The following TSNARE1 variants were observed in gnomAD, a reference collection of about 807,000 sequenced individuals.
TSNARE1 encodes t-SNARE domain containing 1.
A neutral mutation model predicts 62.0 loss-of-function variants in TSNARE1; 49 were observed. That is an observed-to-expected ratio of 0.79 (90% CI 0.63 to 1.00). TSNARE1 has a LOEUF of 1.00. Among genes scored for constraint, TSNARE1 ranks in the 50% least tolerant of loss-of-function variants. The probability of loss-of-function intolerance (pLI) is 0.00; values close to 1 mark genes in which losing one functional copy is unlikely to be tolerated. For missense variants in TSNARE1, 755 were observed against 700.1 expected (o/e 1.08, Z -0.88); for synonymous variants, 328 against 294.4 (o/e 1.11, Z -1.17).
At chr8:142,377,517 A>G (rs1187912122) in intron 1 of TSNARE1, among the ~76,000 whole-genome samples, 1 of 152,234 alleles carries the variant, frequency 6.6e-6, no homozygotes, top group Non-Finnish European at 1.5e-5. Context: ...AACATGAACT[A>G]AGTCAGGGCA....
chr8:142,401,932 C>T (rs1838321196), intron 1 of TSNARE1, among the ~76,000 whole-genome samples: 1 of 152,124 alleles, frequency 6.6e-6, no homozygotes, highest in Non-Finnish European at 1.5e-5. Context: ...TCTTTCAACT[C>T]AATACTGTGT....
intron 12 of TSNARE1, among the ~76,000 whole-genome samples, chr8:142,267,509 G>A: frequency 6.6e-6 from 1 of 152,168 alleles, no homozygotes; most frequent in East Asian, 1.9e-4. Context: ...CTGGTTCAAG[G>A]CCTGCCTCTA....
At chr8:142,406,383 C>G (rs1288670897), upstream of TSNARE1, 1 of 152,302 alleles carries the variant, frequency 6.6e-6, no homozygotes, top group African/African-American at 2.4e-5. Context: ...GCGTCCTGCC[C>G]CTCAACAACG....
chr8:142,368,378 T>C (rs1389451384), intron 1 of TSNARE1, among the ~76,000 whole-genome samples: 1 of 152,116 alleles, frequency 6.6e-6, no homozygotes, highest in Non-Finnish European at 1.5e-5. Flanking sequence ...GAAGTGAAAT[T>C]TATACTGGTT....
At chr8:142,303,308 G>T (rs1006283610) in intron 9 of TSNARE1, among the ~76,000 whole-genome samples, 11 of 152,098 alleles carry the variant, frequency 7.2e-5, no homozygotes, top group African/African-American at 2.4e-4. Context: ...ACCTCCCCTG[G>T]AGCAGTCACT....
intron 12 of TSNARE1, among the ~76,000 whole-genome samples, chr8:142,234,977 G>A (rs1385587429): frequency 6.6e-6 from 1 of 152,154 alleles, no homozygotes; most frequent in Non-Finnish European, 1.5e-5. Context: ...AGGGACCCCA[G>A]ATGGCTGAGG....
Position 142,356,768 on chromosome 8 carries a change from T to G in TSNARE1, c.-39-2005A>C, listed in dbSNP as rs369546493. Among the ~76,000 whole-genome samples, 57 of 152,158 alleles carry G rather than the reference T, an allele frequency of 3.7e-4. No homozygotes were observed. The East Asian group carries it at 7.4e-3, about 20-fold the overall frequency. ...ATCTTTACCTTGCAGCTGAGGAAAC[T>G]GAGGCATGGAGAGGTGAGGTAACTT... On this transcript the variant is annotated intron_variant, in intron 1 of 13. Transcript: ENST00000524325.
chr8:142,388,843 T>C (rs1041144281), intron 1 of TSNARE1, among the ~76,000 whole-genome samples: 4 of 152,178 alleles, frequency 2.6e-5, no homozygotes, highest in African/African-American at 9.7e-5. Flanking sequence ...CCCAAAGTGC[T>C]GGGATTACAG....
rs1404820672 is a variant in TSNARE1 at position 142,345,790 on chromosome 8, T to C, written c.191A>G (p.Asp64Gly). 1 of 1,613,724 alleles carries C rather than the reference T, an allele frequency of 6.2e-7. No homozygotes were observed. Among genetic ancestry groups the C allele is most frequent in the Non-Finnish European group, 8.5e-7 (1 of 1,179,794 alleles). The change falls in exon 3 of 14, where the codon GAT becomes GGT. Residue 64 changes from aspartate (D) to glycine (G), a missense_variant. Transcript: ENST00000524325. Reference sequence around the variant, plus strand: ...AATAGGCGTGCCTGCTGGCCCCAGATCACCTTCCCCGTCCTTCCCCACACA... The same window carrying C: ...AATAGGCGTGCCTGCTGGCCCCAGACCACCTTCCCCGTCCTTCCCCACACA... Reference protein sequence around the residue: ...NRCVGKDGEGDLGPAGTPIVP... With the variant: ...NRCVGKDGEGGLGPAGTPIVP...
At chr8:142,293,217 C>A (rs768907932) in intron 10 of TSNARE1, among the ~76,000 whole-genome samples, 1 of 152,242 alleles carries the variant, frequency 6.6e-6, no homozygotes, top group African/African-American at 2.4e-5. Flanking sequence ...AACCCCTTAG[C>A]GTACAGTGAG....
At chr8:142,312,029 T>C (rs897260756) in intron 9 of TSNARE1, among the ~76,000 whole-genome samples, 3 of 152,234 alleles carry the variant, frequency 2.0e-5, no homozygotes, top group South Asian at 2.1e-4. Context: ...GGACCAGAAG[T>C]GTTTCAGATT....
rs1384929981 is a variant in TSNARE1 at position 142,290,461 on chromosome 8, G to A, written c.1291-5976C>T. 7.2e-5 allele frequency among the ~76,000 whole-genome samples: 11 copies of A among 152,348 alleles called. No homozygotes were observed. In the South Asian group the frequency reaches 1.0e-3, roughly 14 times the overall value. ...CTTTCTCTTCTTTCACTGGCACAGCGGAAAAAGCCCCTTGCACGAGACATA... is the reference window on the plus strand; with the variant it reads ...CTTTCTCTTCTTTCACTGGCACAGCAGAAAAAGCCCCTTGCACGAGACATA... On this transcript the variant is annotated intron_variant, in intron 10 of 13. Transcript: ENST00000524325.
At chr8:142,227,303 C>A (rs73362780) in intron 13 of TSNARE1, among the ~76,000 whole-genome samples, 12,059 of 149,400 alleles carry the variant, frequency 0.081, 1,758 homozygotes, top group African/African-American at 0.29. Flanking sequence ...ACAGCCAGGA[C>A]CCCCTTCCTG....
At chr8:142,273,559 G>A (rs913593352) in intron 12 of TSNARE1, 14 of 985,404 alleles carry the variant, frequency 1.4e-5, no homozygotes, top group Non-Finnish European at 1.7e-5. Flanking sequence ...CCTCTCCCAG[G>A]TCTTGTCTCC....
At chr8:142,282,812 C>T (rs1489329806) in intron 11 of TSNARE1, among the ~76,000 whole-genome samples, 4 of 129,064 alleles carry the variant, frequency 3.1e-5, no homozygotes, top group East Asian at 2.4e-4. Context: ...TGAGCAGAGG[C>T]GGGACCAGTG....
At chr8:142,226,865 C>T (rs1816799921) in intron 13 of TSNARE1, among the ~76,000 whole-genome samples, 1 of 152,102 alleles carries the variant, frequency 6.6e-6, no homozygotes, top group African/African-American at 2.4e-5. Flanking sequence ...CTCACCTGCT[C>T]CCTGGGCAAG....
chr8:142,335,055 A>T (rs540240964), intron 4 of TSNARE1, among the ~76,000 whole-genome samples: 1 of 152,388 alleles, frequency 6.6e-6, no homozygotes, highest in South Asian at 2.1e-4. Context: ...TATCGATTGT[A>T]AAAGCAAAAT....
chr8:142,279,998 G>A (rs908537246), intron 11 of TSNARE1: 4 of 1,179,646 alleles, frequency 3.4e-6, no homozygotes, highest in Non-Finnish European at 4.2e-6. Context: ...ACAGCACCTC[G>A]CAGGTCCCGC....
At chr8:142,274,734 G>T (rs74917577) in intron 12 of TSNARE1, 47 bp downstream of exon 12, 1 of 1,449,106 alleles carries the variant, frequency 6.9e-7, no homozygotes, top group South Asian at 1.4e-5. Context: ...GAGGATAGGG[G>T]ACGGAGGCCG....
Sources: allele counts gnomAD v4.1 joint callset (sites outside exome capture counted in the v4.1 genomes callset), GRCh38; gene constraint gnomAD v4.1.1; transcripts MANE v1.5; gene names NCBI Gene and HGNC (gene_info 2026-07-23, HGNC 2026-07-21).